The following TIAM1 variants were observed in gnomAD, a reference collection of about 807,000 sequenced individuals.
The protein encoded by TIAM1 is TIAM Rac1 associated GEF 1.
In TIAM1, 65 loss-of-function variants were observed where a neutral mutation model predicts 163.5. The ratio of observed to expected loss-of-function variants is 0.40; its 90% CI spans 0.33 to 0.49. TIAM1 has a LOEUF of 0.49. TIAM1 is among the 20% of genes least tolerant of loss of function. The pLI, the probability that TIAM1 is intolerant of heterozygous loss-of-function variation, is 0.77. For missense variants in TIAM1, 1,789 were observed against 2,044.7 expected, an observed-to-expected ratio of 0.87 and a Z score of 2.41; for synonymous variants, 833 against 810.1, an observed-to-expected ratio of 1.03 and a Z score of -0.48.
At chr21:31,505,166 C>T (rs1202190348) in intron 1 of TIAM1, among the ~76,000 whole-genome samples, 1 of 152,116 alleles carries the variant, frequency 6.6e-6, no homozygotes, top group Non-Finnish European at 1.5e-5. Flanking sequence ...ATTGGCCGGG[C>T]GACCACAAGG....
chr21:31,412,949 G>A (rs183434331), intron 2 of TIAM1, among the ~76,000 whole-genome samples: 10 of 152,214 alleles, frequency 6.6e-5, no homozygotes, highest in Non-Finnish European at 1.2e-4. Flanking sequence ...CTCCTGCTGC[G>A]TGGCCTGGTT....
chr21:31,370,870 A>G (rs2076586361), intron 2 of TIAM1, among the ~76,000 whole-genome samples: 1 of 152,232 alleles, frequency 6.6e-6, no homozygotes, highest in African/African-American at 2.4e-5. Flanking sequence ...TGGCAGCAGT[A>G]GGCTATAGCA....
rs890710841 is a variant in TIAM1, at chr21:31,518,380, C to T, written c.-422+40547G>A. On this transcript the variant is annotated intron_variant, in intron 1 of 28. Transcript: ENST00000286827. ...TCGACTCACCACAACCTCCACCTCC[C>T]GGGTTCAAGTGATTCTCCTGCCTCA... Among the ~76,000 whole-genome samples, 8 of 152,170 alleles carry T rather than the reference C, an allele frequency of 5.3e-5. No individual in the cohort carries two copies. The South Asian group carries it at 8.3e-4, about 16-fold the overall frequency.
Position 31,217,948 on chromosome 21 carries a change from C to T in TIAM1, c.1996-249G>A, listed in dbSNP as rs1229951809. Among the ~76,000 whole-genome samples, 3 of 152,176 alleles carry T rather than the reference C, an allele frequency of 2.0e-5. No individual in the cohort carries two copies. In the East Asian group the frequency reaches 5.8e-4, roughly 29 times the overall value. ...TTGTTTGAAATCATCAGCAAAAATA[C>T]ATAATATAGGAATAAAATATATGTT... On this transcript the variant is annotated intron_variant, in intron 8 of 27. Coordinates refer to ENST00000541036, the MANE Select transcript of TIAM1 (RefSeq NM_001353694.2).
intron 2 of TIAM1, among the ~76,000 whole-genome samples, chr21:31,363,506 TC>T (rs2076443366): frequency 6.6e-6 from 1 of 152,188 alleles, no homozygotes; most frequent in South Asian, 2.1e-4. Context: ...TCCACAACAC[TC>T]CTCCATACCA....
chr21:31,215,568 G>GAAAAAAAAAAAAAAAAAAA (rs398040071), intron 9 of TIAM1, among the ~76,000 whole-genome samples: 1 of 75,546 alleles, frequency 1.3e-5, no homozygotes. Flanking sequence ...TCTCAAAAAA[G>GAAAAAAAAAAAAAAAAAAA]AAAAAAAAAA....
chr21:31,524,008 C>A (rs1295321275), intron 1 of TIAM1, among the ~76,000 whole-genome samples: 3 of 144,818 alleles, frequency 2.1e-5, no homozygotes, highest in African/African-American at 7.3e-5. Context: ...CGAAGCCAGA[C>A]CCCAACTCAA....
At chr21:31,530,287 C>A (rs186925608) in intron 1 of TIAM1, among the ~76,000 whole-genome samples, 1 of 152,366 alleles carries the variant, frequency 6.6e-6, no homozygotes, top group East Asian at 1.9e-4. Flanking sequence ...CACAACATTT[C>A]TTTAACCCTC....
At chr21:31,132,416 C>A (rs1187722584) in intron 23 of TIAM1, among the ~76,000 whole-genome samples, 1 of 152,158 alleles carries the variant, frequency 6.6e-6, no homozygotes, top group Non-Finnish European at 1.5e-5. Context: ...AAGGTTCACA[C>A]TGACCCGAGG....
intron 2 of TIAM1, among the ~76,000 whole-genome samples, chr21:31,384,866 G>GT (rs2076839169): frequency 6.6e-6 from 1 of 152,120 alleles, no homozygotes; most frequent in Non-Finnish European, 1.5e-5. Flanking sequence ...ATTAAAAAAT[G>GT]TATTAGTAGC....
intron 1 of TIAM1, among the ~76,000 whole-genome samples, chr21:31,529,836 G>A (rs1216878653): frequency 1.3e-5 from 2 of 152,192 alleles, no homozygotes; most frequent in Non-Finnish European, 2.9e-5. Context: ...GGTCCGCAGA[G>A]ACAATGTAAG....
rs2086652397 is a variant in TIAM1 at position 31,210,219 on chromosome 21, T to C, written c.2218-4A>G. On this transcript the variant is annotated splice_region_variant and splice_polypyrimidine_tract_variant and intron_variant, in intron 10 of 27. Transcript: ENST00000541036. ...GTAAGACCACTTCTTTCTCCCTCTA[T>C]AACAAGAAATAAAGTTAGCAGGGCA... 8 of 1,613,672 alleles carry C rather than the reference T, an allele frequency of 5.0e-6. No homozygotes were observed. Among genetic ancestry groups the C allele is most frequent in the South Asian group, 2.2e-5 (2 of 91,048 alleles).
intron 16 of TIAM1, among the ~76,000 whole-genome samples, chr21:31,163,200 C>T (rs1238575860): frequency 6.6e-6 from 1 of 152,166 alleles, no homozygotes; most frequent in Non-Finnish European, 1.5e-5. Context: ...TTGCCTAAAT[C>T]CAGTTAGAAA....
At chr21:31,192,070 C>A (rs1481990078) in intron 13 of TIAM1, among the ~76,000 whole-genome samples, 1 of 152,202 alleles carries the variant, frequency 6.6e-6, no homozygotes, top group Non-Finnish European at 1.5e-5. Context: ...ATAAGCCGCT[C>A]ATAAACATTT....
intron 19 of TIAM1, among the ~76,000 whole-genome samples, chr21:31,147,680 A>G (rs2083185344): frequency 6.9e-6 from 1 of 145,246 alleles, no homozygotes; most frequent in East Asian, 2.0e-4. Flanking sequence ...ATAGATATAT[A>G]TAAATATATA....
chr21:31,432,289 C>G (rs1299152962), intron 2 of TIAM1, among the ~76,000 whole-genome samples: 1 of 151,944 alleles, frequency 6.6e-6, no homozygotes, highest in African/African-American at 2.4e-5. Flanking sequence ...TTAGTGGAGA[C>G]AGGATTTCAC....
At chr21:31,164,389 CAAA>C (rs542696881) in intron 16 of TIAM1, among the ~76,000 whole-genome samples, 4 of 95,024 alleles carry the variant, frequency 4.2e-5, no homozygotes, top group African/African-American at 3.0e-5. Flanking sequence ...GACTCCATCT[CAAA>C]AAAAAAAAAA....
chr21:31,495,464 G>C (rs915761316), intron 1 of TIAM1, among the ~76,000 whole-genome samples: 1 of 152,156 alleles, frequency 6.6e-6, no homozygotes, highest in Non-Finnish European at 1.5e-5. Context: ...TCCTTTATAA[G>C]GGCCTTAATG....
intron 2 of TIAM1, among the ~76,000 whole-genome samples, chr21:31,349,492 G>T (rs558645566): frequency 6.6e-6 from 1 of 152,284 alleles, no homozygotes; most frequent in South Asian, 2.1e-4. Context: ...GTGTTCACGG[G>T]GGGTAAAAGC....
Sources: gnomAD v4.1 joint callset for allele counts (sites outside exome capture counted in the v4.1 genomes callset) on GRCh38, gnomAD v4.1.1 for gene constraint, MANE v1.5 for transcripts, NCBI Gene and HGNC (gene_info 2026-07-23, HGNC 2026-07-21) for gene names.